MOB3B: variants seen among roughly 807,000 people sequenced by gnomAD.
MOB3B encodes the protein MOB kinase activator-like 2B.
In MOB3B, 7 loss-of-function variants were observed where a neutral mutation model predicts 18.7. The ratio of observed to expected loss-of-function variants is 0.37; its 90% CI spans 0.21 to 0.70. The LOEUF is 0.70. Among genes scored for constraint, MOB3B ranks in the 30% least tolerant of loss-of-function variants. The probability of loss-of-function intolerance (pLI) is 0.52; values close to 1 mark genes in which losing one functional copy is unlikely to be tolerated. For missense variants in MOB3B, 253 were observed against 281.3 expected (o/e 0.90, Z 0.72); for synonymous variants, 111 against 99.9 (o/e 1.11, Z -0.66).
chr9:27,381,921 C>A (rs1369996972), intron 2 of MOB3B, among the ~76,000 whole-genome samples: 1 of 152,264 alleles, frequency 6.6e-6, no homozygotes, highest in South Asian at 2.1e-4. Context: ...GTTAGGATTA[C>A]AAGTGTGAGC....
At chr9:27,491,566 G>A (rs911492344) in intron 1 of MOB3B, among the ~76,000 whole-genome samples, 1 of 152,118 alleles carries the variant, frequency 6.6e-6, no homozygotes, top group South Asian at 2.1e-4. Flanking sequence ...AAATTAGAAA[G>A]ATAATTCCTT....
intron 1 of MOB3B, among the ~76,000 whole-genome samples, chr9:27,489,476 G>A (rs1397192715): frequency 2.0e-5 from 3 of 152,170 alleles, no homozygotes; most frequent in Non-Finnish European, 4.4e-5. Flanking sequence ...AGCCACACTT[G>A]CCTTGAAATT....
rs1331993504 is a variant in MOB3B, at chr9:27,489,749, T to TTTTTTTTTTTTTTTTTC, written c.-198-34002_-198-34001insGAAAAAAAAAAAAAAAA. Among the ~76,000 whole-genome samples, 4 of 145,132 alleles carry TTTTTTTTTTTTTTTTTC rather than the reference T, an allele frequency of 2.8e-5. 1 individual carries two copies. Among genetic ancestry groups the TTTTTTTTTTTTTTTTTC allele is most frequent in the African/African-American group, 1.0e-4 (4 of 39,828 alleles). Reference sequence around the variant, plus strand: ...CCAGATAAGGAAATAATCTTTTTTTTTTTTTGGTCCAACAGGGCACTAAGG... The same window carrying TTTTTTTTTTTTTTTTTC: ...CCAGATAAGGAAATAATCTTTTTTTTTTTTTTTTTTTTTTTTCTTTTTGGTCCAACAGGGCACTAAGG... On this transcript the variant is annotated intron_variant, in intron 1 of 3. Coordinates refer to ENST00000262244, the MANE Select transcript of MOB3B (RefSeq NM_024761.5).
Position 27,403,187 on chromosome 9 carries a change from G to C in MOB3B, c.419-43951C>G, listed in dbSNP as rs138890903. ...AGAAAAAAGAACTAAAGTGAAGAAA[G>C]GAAGACTTAACCTAGCCATACATAT... On this transcript the variant is annotated intron_variant, in intron 2 of 3. Coordinates refer to ENST00000262244, the MANE Select transcript of MOB3B (RefSeq NM_024761.5). Among the ~76,000 whole-genome samples, 1,376 of 152,316 alleles carry C rather than the reference G, an allele frequency of 9.0e-3. 15 individuals are homozygous for C. Among genetic ancestry groups the C allele is most frequent in the South Asian group, 0.018 (86 of 4,824 alleles).
chr9:27,343,558 A>C (rs1337896480), intron 3 of MOB3B, among the ~76,000 whole-genome samples: 2 of 150,004 alleles, frequency 1.3e-5, no homozygotes, highest in Non-Finnish European at 3.0e-5. Context: ...TTCTTTCCTT[A>C]TTCTCAGACT....
chr9:27,520,277 A>G (rs1487444364), intron 1 of MOB3B, among the ~76,000 whole-genome samples: 1 of 152,202 alleles, frequency 6.6e-6, no homozygotes, highest in East Asian at 1.9e-4. Flanking sequence ...ACACAATTCC[A>G]TAAACAACAG....
intron 1 of MOB3B, among the ~76,000 whole-genome samples, chr9:27,512,299 G>A (rs1332408095): frequency 6.6e-6 from 1 of 152,026 alleles, no homozygotes; most frequent in Non-Finnish European, 1.5e-5. Flanking sequence ...TGAAGCATCT[G>A]GAAGTCCTGA....
chr9:27,459,018 C>T (rs188930563), intron 1 of MOB3B, among the ~76,000 whole-genome samples: 12 of 151,662 alleles, frequency 7.9e-5, no homozygotes, highest in Non-Finnish European at 1.5e-4. Flanking sequence ...TAGGCCCCCC[C>T]CCATGTTTAA....
intron 2 of MOB3B, among the ~76,000 whole-genome samples, chr9:27,418,302 A>G (rs904413170): frequency 2.6e-5 from 4 of 152,070 alleles, no homozygotes; most frequent in African/African-American, 9.7e-5. Context: ...CTATTTTGCA[A>G]GATAAAGAAG....
intron 2 of MOB3B, among the ~76,000 whole-genome samples, chr9:27,364,309 A>G (rs186902519): frequency 6.6e-6 from 1 of 152,294 alleles, no homozygotes; most frequent in South Asian, 2.1e-4. Flanking sequence ...TCATGAGTAC[A>G]TAAGACACGA....
rs1236391392 is a variant in MOB3B, at chr9:27,330,321, G to A, written c.*266C>T. 2.5e-6 allele frequency: 1 copy of A among 407,492 alleles called. No individual in the cohort carries two copies. Among genetic ancestry groups the A allele is most frequent in the Non-Finnish European group, 4.4e-6 (1 of 227,026 alleles). The allele number at this position is 407,492 out of a possible 1,614,324, so 25.2% of individuals were successfully genotyped here. The stretch of plus-strand genomic sequence containing the variant: ...TGTGGAAGTGCAGAGGCTTCCTCGT[G>A]GACAATTCCCCAGCCAGAACGGTCA... On this transcript the variant is annotated 3_prime_UTR_variant, in exon 4 of 4. Transcript: ENST00000262244.
chr9:27,420,576 TA>T (rs2131411673), intron 2 of MOB3B, among the ~76,000 whole-genome samples: 1 of 125,598 alleles, frequency 8.0e-6, no homozygotes, highest in African/African-American at 3.0e-5. Flanking sequence ...TATATATATA[TA>T]TATATATATA....
intron 3 of MOB3B, among the ~76,000 whole-genome samples, chr9:27,338,241 G>T (rs1211165182): frequency 6.6e-6 from 1 of 152,134 alleles, no homozygotes; most frequent in African/African-American, 2.4e-5. Flanking sequence ...TCTGCATGGA[G>T]AGCCCTATTT....
chr9:27,522,504 T>C (rs1323249470), intron 1 of MOB3B, among the ~76,000 whole-genome samples: 1 of 151,298 alleles, frequency 6.6e-6, no homozygotes, highest in Non-Finnish European at 1.5e-5. Context: ...TATAAGCTTG[T>C]TTTTTAAACT....
chr9:27,405,318 G>C (rs1480949968), intron 2 of MOB3B, among the ~76,000 whole-genome samples: 1 of 151,908 alleles, frequency 6.6e-6, no homozygotes, highest in Non-Finnish European at 1.5e-5. Flanking sequence ...ATATTGGCTA[G>C]TCTGGTCTTG....
At chr9:27,393,077 G>A (rs927936150) in intron 2 of MOB3B, among the ~76,000 whole-genome samples, 5 of 152,096 alleles carry the variant, frequency 3.3e-5, no homozygotes, top group African/African-American at 1.2e-4. Flanking sequence ...AGATTCTGAC[G>A]GAGTTTCACA....
intron 1 of MOB3B, chr9:27,524,218 A>G (rs1422858774): frequency 1.9e-6 from 2 of 1,074,568 alleles, no homozygotes; most frequent in East Asian, 2.7e-5. Flanking sequence ...TAACTGTGAA[A>G]TGACGAATGA....
intron 1 of MOB3B, among the ~76,000 whole-genome samples, chr9:27,477,729 A>C (rs1346344924): frequency 6.6e-6 from 1 of 152,236 alleles, no homozygotes; most frequent in Non-Finnish European, 1.5e-5. Flanking sequence ...GTTCTTCTTA[A>C]TGCAGGCCAG....
intron 2 of MOB3B, chr9:27,397,671 G>A (rs1821822287): frequency 6.6e-6 from 1 of 152,106 alleles, no homozygotes; most frequent in African/African-American, 2.4e-5. Context: ...TTGCTTTCAT[G>A]ACTAAATATT....
Sources: gnomAD v4.1 joint callset for allele counts (sites outside exome capture counted in the v4.1 genomes callset) on GRCh38, gnomAD v4.1.1 for gene constraint, MANE v1.5 for transcripts, NCBI Gene and HGNC (gene_info 2026-07-23, HGNC 2026-07-21) for gene names.